The following SPECC1 variants were observed in gnomAD, a reference collection of about 807,000 sequenced individuals.
The protein encoded by SPECC1 is cytospin-B.
Under a neutral mutation model 104.1 loss-of-function variants are expected in SPECC1, and 62 were observed. That is an observed-to-expected ratio of 0.60 (90% CI 0.49 to 0.74). The LOEUF (loss-of-function observed/expected upper bound fraction) is 0.74. SPECC1 is among the 30% of genes least tolerant of loss of function. SPECC1 has a pLI of 0.00. For missense variants in SPECC1, 1,306 were observed against 1,310.5 expected (o/e 1.00, Z 0.05); for synonymous variants, 513 against 501.6 (o/e 1.02, Z -0.30).
At chr17:20,046,012 T>TAA (rs11327439) in intron 1 of SPECC1, among the ~76,000 whole-genome samples, 2 of 144,186 alleles carry the variant, frequency 1.4e-5, no homozygotes, top group Non-Finnish European at 1.5e-5. Context: ...TATACCTTTC[T>TAA]AAAAAAAAAA....
chr17:20,113,000 G>A (rs1300636279), intron 3 of SPECC1: 1 of 932,738 alleles, frequency 1.1e-6, no homozygotes, highest in Non-Finnish European at 1.8e-6. Context: ...AGAATTTTAG[G>A]GGCTGGAGGA....
intron 7 of SPECC1, chr17:20,237,318 T>TTG: frequency 8.2e-6 from 8 of 970,234 alleles, no homozygotes; most frequent in Admixed American, 5.3e-5. Context: ...TTGTTTTGTT[T>TTG]TTTTTTTTTT....
chr17:20,194,770 C>T (rs537385036), intron 3 of SPECC1, among the ~76,000 whole-genome samples: 4 of 152,132 alleles, frequency 2.6e-5, no homozygotes, highest in African/African-American at 9.6e-5. Context: ...TCCCAAAGTG[C>T]TGGGATTACA....
Position 20,227,231 on chromosome 17 carries a change from G to A in SPECC1, c.1864-182G>A, listed in dbSNP as rs112502650. Among the ~76,000 whole-genome samples the A allele has an allele frequency of 3.7e-3, 569 of 152,286 alleles. 3 individuals are homozygous for A. The highest frequency in any genetic ancestry group is 0.012 in the African/African-American group (491 of 41,558). ...CAAGGGCGTCTTTGCTACTATGTCC[G>A]TGAGCCTGCTGCTGACTTGTGGGGA... On this transcript the variant is annotated intron_variant, in intron 4 of 14. Transcript: ENST00000395527.
intron 1 of SPECC1, among the ~76,000 whole-genome samples, chr17:20,082,957 TGTTCGTTCGTTCGTTC>T (rs5819696): frequency 0.036 from 5,311 of 147,736 alleles, 111 homozygotes; most frequent in Middle Eastern, 0.06. Context: ...TGTCCTTTGG[TGTTCGTTCGTTCGTTC>T]GTTCGTTCGT....
At chr17:20,208,093 T>C (rs1302542792) in intron 4 of SPECC1, among the ~76,000 whole-genome samples, 1 of 152,248 alleles carries the variant, frequency 6.6e-6, no homozygotes, top group Non-Finnish European at 1.5e-5. Flanking sequence ...TAAAGGAAAG[T>C]GTGCATTTTC....
Position 20,317,653 on chromosome 17 carries a change from G to A in SPECC1, c.*3588G>A, listed in dbSNP as rs2042057092. ...AGGTGGGAGCATCACTTGAGCCCAG[G>A]AGTTTGAGGCTGCAGTAAGCTGTGT... On this transcript the variant is annotated 3_prime_UTR_variant, in exon 15 of 15. Transcript: ENST00000395527. 1 of 199,404 alleles carries A rather than the reference G, an allele frequency of 5.0e-6. No homozygotes were observed. 12.4% of individuals were successfully genotyped at this position (199,404 alleles called of 1,614,324 possible).
At chr17:20,209,204 G>C (rs1296770645) in intron 4 of SPECC1, among the ~76,000 whole-genome samples, 1 of 152,142 alleles carries the variant, frequency 6.6e-6, no homozygotes, top group African/African-American at 2.4e-5. Flanking sequence ...AAATATAGCT[G>C]CCTTCAGCAG....
chr17:20,139,498 C>T (rs2030483363), intron 3 of SPECC1, among the ~76,000 whole-genome samples: 1 of 152,122 alleles, frequency 6.6e-6, no homozygotes. Context: ...CTTAACCAAA[C>T]CCATCATCCT....
rs1160430002 is a variant in SPECC1, at chr17:20,306,008, G to C, written c.3058-15G>C. 1 of 1,612,360 alleles carries C rather than the reference G, an allele frequency of 6.2e-7. No individual in the cohort carries two copies. Among genetic ancestry groups the C allele is most frequent in the Non-Finnish European group, 8.5e-7 (1 of 1,179,340 alleles). On this transcript the variant is annotated splice_polypyrimidine_tract_variant and intron_variant, in intron 13 of 14. Coordinates refer to ENST00000395527, the MANE Select transcript of SPECC1 (RefSeq NM_001243439.2). ...TTAAATTACTGATTCCAGTCTCTTT[G>C]TCTTTTTAACTTAGAAGAGGAATCT...
chr17:20,077,707 T>C (rs2152487617), intron 1 of SPECC1, among the ~76,000 whole-genome samples: 2 of 152,274 alleles, frequency 1.3e-5, no homozygotes, highest in South Asian at 4.2e-4. Context: ...CCTCAGGTGA[T>C]GCACCTGTTT....
chr17:20,146,948 A>G (rs1465438327), intron 3 of SPECC1, among the ~76,000 whole-genome samples: 1 of 151,972 alleles, frequency 6.6e-6, no homozygotes, highest in African/African-American at 2.4e-5. Context: ...GTCTTTCAAA[A>G]TGGTTGTACC....
intron 12 of SPECC1, among the ~76,000 whole-genome samples, chr17:20,267,305 C>G (rs1341130098): frequency 6.6e-6 from 1 of 152,196 alleles, no homozygotes; most frequent in African/African-American, 2.4e-5. Flanking sequence ...CAGATAACTC[C>G]TACCCCTCCC....
At chr17:20,287,712 T>C (rs2041005537) in intron 12 of SPECC1, among the ~76,000 whole-genome samples, 1 of 151,756 alleles carries the variant, frequency 6.6e-6, no homozygotes, top group Non-Finnish European at 1.5e-5. Flanking sequence ...GGTTGCTGCT[T>C]GGCCTTATGT....
chr17:20,138,344 C>T (rs911904764), intron 3 of SPECC1, among the ~76,000 whole-genome samples: 13 of 152,162 alleles, frequency 8.5e-5, no homozygotes, highest in African/African-American at 3.1e-4. Context: ...ACATCCCCCA[C>T]CAGCGTGGTA....
At chr17:20,068,907 T>C (rs1462076863) in intron 1 of SPECC1, among the ~76,000 whole-genome samples, 6 of 152,242 alleles carry the variant, frequency 3.9e-5, no homozygotes, top group African/African-American at 9.6e-5. Context: ...TAGACACTTA[T>C]CATATATAGG....
In SPECC1 at chr17:20,132,070, T is replaced by G. The variant is rs1285396327; in HGVS notation, c.283+21508T>G. Among the ~76,000 whole-genome samples, 6 of 152,308 alleles carry G rather than the reference T, an allele frequency of 3.9e-5. No individual in the cohort carries two copies. The East Asian group carries it at 1.2e-3, about 29-fold the overall frequency. On this transcript the variant is annotated intron_variant, in intron 3 of 14. Transcript: ENST00000395527. ...CCAGTTTTTCTAAGATTTTTTTTTT[T>G]CTGAGAAATGTCCCTCTATTCCAGT... is the stretch of plus-strand genomic sequence containing the variant.
chr17:20,060,228 A>C (rs1393215838), intron 1 of SPECC1, among the ~76,000 whole-genome samples: 1 of 152,080 alleles, frequency 6.6e-6, no homozygotes, highest in Non-Finnish European at 1.5e-5. Flanking sequence ...TCAGTTTTGC[A>C]CTGAGAAATG....
chr17:20,061,339 T>C (rs1394633468), intron 1 of SPECC1, among the ~76,000 whole-genome samples: 1 of 152,250 alleles, frequency 6.6e-6, no homozygotes, highest in Non-Finnish European at 1.5e-5. Flanking sequence ...CCCAAAGTGC[T>C]GGGATTACAG....
Sources: gnomAD v4.1 joint callset for allele counts (sites outside exome capture counted in the v4.1 genomes callset) on GRCh38, gnomAD v4.1.1 for gene constraint, MANE v1.5 for transcripts, NCBI Gene and HGNC (gene_info 2026-07-23, HGNC 2026-07-21) for gene names.